TXNDC15: variants seen among roughly 807,000 people sequenced by gnomAD.
TXNDC15 encodes thioredoxin domain-containing protein 15.
A neutral mutation model predicts 35.0 loss-of-function variants in TXNDC15; 24 were observed. The observed-to-expected ratio is 0.68, with a 90% CI of 0.50 to 0.96. TXNDC15 has a LOEUF of 0.96. TXNDC15 is among the 40% of genes least tolerant of loss of function. The probability of loss-of-function intolerance (pLI) is 0.00; values close to 1 mark genes in which losing one functional copy is unlikely to be tolerated. For missense variants in TXNDC15, 385 were observed against 453.3 expected (o/e 0.85, Z 1.37); for synonymous variants, 169 against 174.0 (o/e 0.97, Z 0.23).
At chr5:134,879,923 G>A (rs1373804726) in intron 1 of TXNDC15, among the ~76,000 whole-genome samples, 1 of 151,676 alleles carries the variant, frequency 6.6e-6, no homozygotes, top group South Asian at 2.1e-4. Context: ...AGCCTCCCAA[G>A]TAGCTGGGAT....
upstream of TXNDC15, chr5:134,873,950 T>C (rs1239989971): frequency 2.0e-5 from 3 of 153,534 alleles, no homozygotes; most frequent in African/African-American, 7.2e-5. Context: ...GTGGCAACCC[T>C]AGGTAGGGGA....
At position 134,893,583 on chromosome 5, in the gene TXNDC15, C is replaced by T; in HGVS notation, c.683C>T (p.Pro228Leu). The T allele has an allele frequency of 1.2e-6, 2 of 1,614,250 alleles. No individual in the cohort carries two copies. Among genetic ancestry groups the T allele is most frequent in the Non-Finnish European group, 1.7e-6 (2 of 1,180,054 alleles). The change falls in exon 3 of 5, where the codon CCT becomes CTT. Residue 228 changes from proline to leucine, a missense_variant. By Grantham distance (98) the Pro-to-Leu change is moderately conservative. Transcript: ENST00000358387. ...TGCCGCTTTTCTGCCAGTTTGGCCC[C>T]TCACTTTAACTCTCTGCCCCGGGCA... ...PWCRFSASLA[P>L]HFNSLPRAFP... is the part of the protein sequence containing the mutation.
intron 1 of TXNDC15, among the ~76,000 whole-genome samples, chr5:134,883,210 A>G (rs1750195856): frequency 3.3e-5 from 5 of 151,888 alleles, no homozygotes; most frequent in African/African-American, 9.7e-5. Context: ...GTGGATCACG[A>G]GGTCAGGAGT....
intron 2 of TXNDC15, among the ~76,000 whole-genome samples, chr5:134,890,372 C>CTCTTTTCTCTTCTCT (rs536454729): frequency 6.7e-6 from 1 of 148,184 alleles, no homozygotes; most frequent in East Asian, 2.0e-4. Context: ...CTTTTCTTTT[C>CTCTTTTCTCTTCTCT]TCTTTTCTCT....
Position 134,875,420 on chromosome 5 carries a change from A to C in TXNDC15, c.103+890A>C, listed in dbSNP as rs756090074. The C allele has an allele frequency of 1.2e-4, 57 of 456,138 alleles. 2 individuals are homozygous for C. Among genetic ancestry groups the C allele is most frequent in the Middle Eastern group, 3.2e-4 (1 of 3,098 alleles). The allele number at this position is 456,138 out of a possible 1,614,324, so 28.3% of individuals were successfully genotyped here. A position where few individuals can be genotyped will look rare whatever the true frequency, so the allele number is the denominator to read the frequency against. ...GGTGAGTCATAGTAACACAATTACC[A>C]TGAATGAAAGCGCTCACTGTGTACC... On this transcript the variant is annotated intron_variant, in intron 1 of 4. Transcript: ENST00000358387.
At chr5:134,882,602 C>T (rs545604528) in intron 1 of TXNDC15, among the ~76,000 whole-genome samples, 1 of 152,372 alleles carries the variant, frequency 6.6e-6, no homozygotes, top group East Asian at 1.9e-4. Flanking sequence ...CCTCGGGAGG[C>T]CGAGGCTGGC....
At chr5:134,877,968 T>G (rs1268843894) in intron 1 of TXNDC15, among the ~76,000 whole-genome samples, 1 of 152,088 alleles carries the variant, frequency 6.6e-6, no homozygotes, top group Non-Finnish European at 1.5e-5. Context: ...AGAGATGGGG[T>G]TTCGCCATGT....
Position 134,900,397 on chromosome 5 carries a change from G to A in TXNDC15, c.*712G>A, listed in dbSNP as rs1369713901. On this transcript the variant is annotated 3_prime_UTR_variant, in exon 5 of 5. Transcript: ENST00000358387. ...CCTTAAAATGTTCCCAGCAGGCTGGGCGCAGTGGCTCATGCCTGTAATCCC... is the reference window on the plus strand; with the variant it reads ...CCTTAAAATGTTCCCAGCAGGCTGGACGCAGTGGCTCATGCCTGTAATCCC... 1 of 152,298 alleles carries A rather than the reference G, an allele frequency of 6.6e-6. No individual in the cohort carries two copies. Among genetic ancestry groups the A allele is most frequent in the Non-Finnish European group, 1.5e-5 (1 of 68,100 alleles). The allele number at this position is 152,298 out of a possible 1,614,324, so 9.4% of individuals were successfully genotyped here.
rs1033754426 is a variant in TXNDC15 at position 134,898,802 on chromosome 5, C to T, written c.887-687C>T. 1.8e-4 allele frequency among the ~76,000 whole-genome samples: 28 copies of T among 152,100 alleles called. 1 individual carries two copies. The highest frequency in any genetic ancestry group is 6.3e-4 in the African/African-American group (26 of 41,414). ...ATTAAAAGCATTTTGGGGCTGGGTG[C>T]GGTGGCTCACACCTGTGATCCCAAC... On this transcript the variant is annotated intron_variant, in intron 4 of 4. Transcript: ENST00000358387.
chr5:134,874,237 C>G (rs1256799582), upstream of TXNDC15: 1 of 560,164 alleles, frequency 1.8e-6, no homozygotes, highest in Non-Finnish European at 3.1e-6. Flanking sequence ...AAAGAGGTCT[C>G]CAGTCCAGCG....
rs999683226 is a variant in TXNDC15, at chr5:134,881,131, C to CT, written c.104-6553dup. On this transcript the variant is annotated intron_variant, in intron 1 of 4. Coordinates refer to ENST00000358387, the MANE Select transcript of TXNDC15 (RefSeq NM_024715.4). ...CTGATGCTCTTAATTTCTTTCCATT[C>CT]TTTTTTTTTTTCCTGTGTGTTTCAT... Among the ~76,000 whole-genome samples, 312 of 141,330 alleles carry CT rather than the reference C, an allele frequency of 2.2e-3. 1 individual carries two copies. The highest frequency in any genetic ancestry group is 3.7e-3 in the Admixed American group (52 of 14,232). The allele number at this position is 141,330 out of a possible 152,430, so 92.7% of individuals were successfully genotyped here.
At chr5:134,875,468 C>T (rs1750015935) in intron 1 of TXNDC15, 6 of 442,334 alleles carry the variant, frequency 1.4e-5, no homozygotes, top group Admixed American at 5.2e-5. Flanking sequence ...CAGTGCTTTA[C>T]GAGCATCATC....
rs1358254813 is a variant in TXNDC15 at position 134,874,381 on chromosome 5, C to T, written c.-47C>T. The T allele has an allele frequency of 6.0e-6, 9 of 1,504,092 alleles. No homozygotes were observed. Among genetic ancestry groups the T allele is most frequent in the African/African-American group, 4.3e-5 (3 of 69,700 alleles). The allele number at this position is 1,504,092 out of a possible 1,614,324, so 93.2% of individuals were successfully genotyped here. On this transcript the variant is annotated 5_prime_UTR_variant, in exon 1 of 5. Coordinates refer to ENST00000358387, the MANE Select transcript of TXNDC15 (RefSeq NM_024715.4). Reference sequence around the variant, plus strand: ...CCTCCCCCAGCCTTCCTCCGGCTGGCAGCACGACTCGCGTAGCCGTGCGCC... The same window carrying T: ...CCTCCCCCAGCCTTCCTCCGGCTGGTAGCACGACTCGCGTAGCCGTGCGCC...
At chr5:134,875,208 T>C (rs977013173) in intron 1 of TXNDC15, 7 of 456,152 alleles carry the variant, frequency 1.5e-5, no homozygotes, top group Admixed American at 7.0e-5. Flanking sequence ...GCAGCCACTC[T>C]AGAGGCATGG....
chr5:134,886,732 TTCTTCAG>T (rs1418851358), intron 1 of TXNDC15, among the ~76,000 whole-genome samples: 1 of 152,218 alleles, frequency 6.6e-6, no homozygotes, highest in Non-Finnish European at 1.5e-5. Context: ...TTGAACAGTG[TTCTTCAG>T]GCAGTGTGGC....
Position 134,876,279 on chromosome 5 carries a change from G to T in TXNDC15, c.103+1749G>T, listed in dbSNP as rs994030894. Among the ~76,000 whole-genome samples the T allele has an allele frequency of 2.0e-5, 3 of 152,298 alleles. No homozygotes were observed. The East Asian group carries it at 5.8e-4, about 29-fold the overall frequency. On this transcript the variant is annotated intron_variant, in intron 1 of 4. Transcript: ENST00000358387. Reference sequence around the variant, plus strand: ...GCTGTCCTACCGTCTTGCTTCCATTGTGTTGGAATGAGGGGAGAGTGAGGT... The same window carrying T: ...GCTGTCCTACCGTCTTGCTTCCATTTTGTTGGAATGAGGGGAGAGTGAGGT...
chr5:134,874,240 G>C (rs182748272), upstream of TXNDC15: 321 of 565,364 alleles, frequency 5.7e-4, no homozygotes, highest in Non-Finnish European at 8.8e-4. Context: ...GAGGTCTCCA[G>C]TCCAGCGCCG....
At chr5:134,892,766 G>C (rs1005308547) in intron 2 of TXNDC15, 4 of 152,126 alleles carry the variant, frequency 2.6e-5, no homozygotes, top group African/African-American at 9.7e-5. Flanking sequence ...GCCACTGTAG[G>C]GTTATTAATT....
intron 2 of TXNDC15, among the ~76,000 whole-genome samples, chr5:134,890,233 C>T (rs551334126): frequency 6.5e-4 from 98 of 151,768 alleles, no homozygotes; most frequent in African/African-American, 2.3e-3. Flanking sequence ...TGAGGTCTCA[C>T]TATGTTGCAT....
Sources: gnomAD v4.1 joint callset for allele counts (sites outside exome capture counted in the v4.1 genomes callset) on GRCh38, gnomAD v4.1.1 for gene constraint, MANE v1.5 for transcripts, NCBI Gene and HGNC (gene_info 2026-07-23, HGNC 2026-07-21) for gene names.